PEX5L: variants seen among roughly 807,000 people sequenced by gnomAD.
The protein encoded by PEX5L is PEX5-related protein.
PEX5L carries 30 observed loss-of-function variants against 84.0 expected under a neutral mutation model. That is an observed-to-expected ratio of 0.36 (90% CI 0.27 to 0.48). The LOEUF (loss-of-function observed/expected upper bound fraction) is 0.48, where lower values mean the gene tolerates loss of function less well. Ranked by LOEUF, PEX5L falls within the 20% of genes least tolerant of loss-of-function variation. The pLI is 0.99. For synonymous variants in PEX5L, 270 were observed against 283.1 expected, an observed-to-expected ratio of 0.95 and a Z score of 0.46; for missense variants, 533 against 754.6, an observed-to-expected ratio of 0.71 and a Z score of 3.44.
At chr3:179,963,513 A>G (rs11916351) in intron 2 of PEX5L, among the ~76,000 whole-genome samples, 3,167 of 152,242 alleles carry the variant, frequency 0.021, 108 homozygotes, top group African/African-American at 0.071. Flanking sequence ...AAAATGGGAG[A>G]GAAACAGAGG....
chr3:179,932,430 C>T lies in PEX5L; in HGVS notation c.94-34184G>A, dbSNP rs188575270. ...AGCTTTAAAATTAGACCAAAAAAGT[C>T]CCAAACAAAACAACCCTACCTCCCC... On this transcript the variant is annotated intron_variant, in intron 2 of 14. Transcript: ENST00000467460. Among the ~76,000 whole-genome samples, 220 of 152,158 alleles carry T rather than the reference C, an allele frequency of 1.4e-3. 1 individual carries two copies. Among genetic ancestry groups the T allele is most frequent in the African/African-American group, 5.2e-3 (214 of 41,532 alleles).
At chr3:180,025,788 T>C (rs1428076517) in intron 1 of PEX5L, among the ~76,000 whole-genome samples, 1 of 152,264 alleles carries the variant, frequency 6.6e-6, no homozygotes, top group Non-Finnish European at 1.5e-5. Flanking sequence ...CCACAGATAG[T>C]ATGTTAAGAA....
chr3:179,943,418 GA>G (rs1466495925), intron 2 of PEX5L, among the ~76,000 whole-genome samples: 2 of 152,222 alleles, frequency 1.3e-5, no homozygotes, highest in African/African-American at 4.8e-5. Flanking sequence ...TGAATTGGAT[GA>G]ATAAAGAGGA....
chr3:179,908,556 TG>T, intron 2 of PEX5L, among the ~76,000 whole-genome samples: 1 of 152,296 alleles, frequency 6.6e-6, no homozygotes, highest in East Asian at 1.9e-4. Context: ...GCCATGTTGG[TG>T]TGCTGCACCC....
intron 11 of PEX5L, among the ~76,000 whole-genome samples, chr3:179,811,309 T>A (rs1723751037): frequency 6.6e-6 from 1 of 151,822 alleles, no homozygotes; most frequent in Admixed American, 6.6e-5. Flanking sequence ...GCACTCAAAA[T>A]AAAAGGTAGG....
intron 1 of PEX5L, among the ~76,000 whole-genome samples, chr3:179,979,505 A>C (rs9968146): frequency 0.087 from 13,209 of 152,174 alleles, 947 homozygotes; most frequent in African/African-American, 0.21. Flanking sequence ...AAACAAGATG[A>C]AACTAGCAAG....
chr3:180,018,613 T>C (rs1183801812), intron 1 of PEX5L, among the ~76,000 whole-genome samples: 1 of 152,232 alleles, frequency 6.6e-6, no homozygotes, highest in Non-Finnish European at 1.5e-5. Context: ...TATTCGTTTT[T>C]AGAGAGGGGA....
At chr3:179,814,080 C>G (rs1211509765) in intron 10 of PEX5L, among the ~76,000 whole-genome samples, 1 of 151,992 alleles carries the variant, frequency 6.6e-6, no homozygotes, top group African/African-American at 2.4e-5. Flanking sequence ...CTTAGCCTCC[C>G]AAAGTGCTGA....
At chr3:179,922,985 A>G (rs1770091113) in intron 2 of PEX5L, among the ~76,000 whole-genome samples, 1 of 152,044 alleles carries the variant, frequency 6.6e-6, no homozygotes, top group Admixed American at 6.6e-5. Context: ...TCTGTGAGTC[A>G]GTCTGTTCAA....
chr3:179,968,993 G>A (rs567367648), intron 2 of PEX5L, among the ~76,000 whole-genome samples: 28 of 151,946 alleles, frequency 1.8e-4, no homozygotes, highest in Admixed American at 1.8e-3. Flanking sequence ...CCACATACAT[G>A]GTGCTGCTTC....
At chr3:179,971,010 C>A (rs988836539) in intron 2 of PEX5L, among the ~76,000 whole-genome samples, 4 of 152,106 alleles carry the variant, frequency 2.6e-5, no homozygotes, top group African/African-American at 9.7e-5. Context: ...AAGCAGTTTT[C>A]ATTTCACCTT....
intron 2 of PEX5L, among the ~76,000 whole-genome samples, chr3:179,915,732 T>C (rs1766820049): frequency 6.6e-6 from 1 of 152,200 alleles, no homozygotes; most frequent in Admixed American, 6.5e-5. Context: ...ATGTATTCTC[T>C]ACTTTGAAGC....
intron 14 of PEX5L, among the ~76,000 whole-genome samples, chr3:179,803,528 G>A (rs1210618804): frequency 6.6e-6 from 1 of 152,138 alleles, no homozygotes; most frequent in South Asian, 2.1e-4. Context: ...TGTTGCTCAG[G>A]TGCCAGGTGC....
At chr3:179,914,289 C>A (rs77608845) in intron 2 of PEX5L, among the ~76,000 whole-genome samples, 1 of 152,120 alleles carries the variant, frequency 6.6e-6, no homozygotes, top group Admixed American at 6.5e-5. Context: ...ACTTCCTCCC[C>A]GACAGCACTA....
At chr3:179,831,827 C>A (rs2111396) in intron 8 of PEX5L, among the ~76,000 whole-genome samples, 57,542 of 151,874 alleles carry the variant, frequency 0.38, 11,472 homozygotes, top group East Asian at 0.72. Flanking sequence ...ATTACAGGAC[C>A]CATTCTGGGA....
rs566983590 is a variant in PEX5L at position 179,993,457 on chromosome 3, T to C, written c.22-21792A>G. ...AAGTACCTTATACAAAATGCTGTAG[T>C]ATTTGCATATAACCTATGCACAACC... On this transcript the variant is annotated intron_variant, in intron 1 of 14. Transcript: ENST00000467460. Among the ~76,000 whole-genome samples, 10 of 152,298 alleles carry C rather than the reference T, an allele frequency of 6.6e-5. No individual in the cohort carries two copies. The East Asian group carries it at 1.7e-3, about 26-fold the overall frequency.
At chr3:179,857,852 C>A (rs1446039333) in intron 8 of PEX5L, among the ~76,000 whole-genome samples, 1 of 152,172 alleles carries the variant, frequency 6.6e-6, no homozygotes, top group Admixed American at 6.5e-5. Context: ...TTTGATTGAA[C>A]TCAGCTGGTC....
intron 1 of PEX5L, among the ~76,000 whole-genome samples, chr3:180,032,827 C>G (rs768627122): frequency 1.3e-5 from 2 of 152,112 alleles, no homozygotes; most frequent in African/African-American, 4.8e-5. Flanking sequence ...GCACTCTAGC[C>G]TGGGGGACAG....
intron 2 of PEX5L, among the ~76,000 whole-genome samples, chr3:179,960,327 G>A (rs1579002715): frequency 6.6e-6 from 1 of 152,156 alleles, no homozygotes; most frequent in Non-Finnish European, 1.5e-5. Context: ...TCAAACACTC[G>A]ATGCTTCAAG....
Sources: gnomAD v4.1 joint callset for allele counts (sites outside exome capture counted in the v4.1 genomes callset) on GRCh38, gnomAD v4.1.1 for gene constraint, MANE v1.5 for transcripts, NCBI Gene and HGNC (gene_info 2026-07-23, HGNC 2026-07-21) for gene names.